Variants in TSPAN15 observed in about 807,000 individuals in gnomAD.
The protein encoded by TSPAN15 is tetraspanin 15.
Under a neutral mutation model 34.5 loss-of-function variants are expected in TSPAN15, and 20 were observed. The ratio of observed to expected loss-of-function variants is 0.58; its 90% CI spans 0.41 to 0.84. The LOEUF (loss-of-function observed/expected upper bound fraction) is 0.84, where lower values mean the gene tolerates loss of function less well. TSPAN15 is among the 40% of genes least tolerant of loss of function. TSPAN15 has a pLI of 0.00. For synonymous variants in TSPAN15, 155 were observed against 153.9 expected (o/e 1.01, Z -0.05); for missense variants, 313 against 386.1 (o/e 0.81, Z 1.59).
At chr10:69,485,361 C>A in intron 3 of TSPAN15, 146 bp downstream of exon 3, 1 of 747,904 alleles carries the variant, frequency 1.3e-6, no homozygotes. Flanking sequence ...AGGCACTGAA[C>A]AAGTAAAGCA....
the TSPAN15 span, among the ~76,000 whole-genome samples, chr10:69,525,353 T>A: frequency 8.8e-5 from 13 of 147,566 alleles, 2 homozygotes; most frequent in African/African-American, 2.7e-4. Flanking sequence ...GATTTTTTTT[T>A]ATTTAGAATA....
chr10:69,525,947 G>C, the TSPAN15 span, among the ~76,000 whole-genome samples: 80,822 of 146,042 alleles, frequency 0.55, 25,611 homozygotes, highest in African/African-American at 0.65. Flanking sequence ...AAATAGACAA[G>C]ACACTATAGG....
chr10:69,459,125 A>AAAAAAAC (rs1564597485), intron 1 of TSPAN15, among the ~76,000 whole-genome samples: 1 of 63,192 alleles, frequency 1.6e-5, no homozygotes, highest in Non-Finnish European at 3.9e-5. Context: ...AAAAAAAAAA[A>AAAAAAAC]CAACAACAAA....
chr10:69,462,374 G>A (rs537018360), intron 1 of TSPAN15, among the ~76,000 whole-genome samples: 12 of 151,208 alleles, frequency 7.9e-5, no homozygotes, highest in Admixed American at 4.0e-4. Flanking sequence ...TTGCTCTGTC[G>A]CCCAGGCTGG....
At chr10:69,495,405 G>A (rs1241876672) in intron 3 of TSPAN15, 189 bp from the exon 4 acceptor site, 1 of 583,846 alleles carries the variant, frequency 1.7e-6, no homozygotes, top group South Asian at 2.0e-5. Context: ...AACACTGGAG[G>A]CACGGGGAGG....
At chr10:69,454,615 G>A (rs989394331) in intron 1 of TSPAN15, among the ~76,000 whole-genome samples, 3 of 152,026 alleles carry the variant, frequency 2.0e-5, no homozygotes, top group Non-Finnish European at 2.9e-5. Flanking sequence ...CTGGGAGTTC[G>A]AGACCAGCCT....
chr10:69,471,941 A>G (rs1214726294), intron 1 of TSPAN15, among the ~76,000 whole-genome samples: 1 of 152,208 alleles, frequency 6.6e-6, no homozygotes, highest in Non-Finnish European at 1.5e-5. Flanking sequence ...AATAAGTCTC[A>G]GTTTTAATTT....
chr10:69,504,431 A>G lies in TSPAN15; in HGVS notation c.571-7A>G. 2 of 1,613,422 alleles carry G rather than the reference A, an allele frequency of 1.2e-6. No individual in the cohort carries two copies. The highest frequency in any genetic ancestry group is 1.7e-6 in the Non-Finnish European group (2 of 1,179,352). ...TAAATATTAGCTATTATACATTTCCATTTCAGACAGAAGTTGTCAACACCA... is the reference window on the plus strand; with the variant it reads ...TAAATATTAGCTATTATACATTTCCGTTTCAGACAGAAGTTGTCAACACCA... On this transcript the variant is annotated splice_polypyrimidine_tract_variant and splice_region_variant and intron_variant, in intron 5 of 7. Coordinates refer to ENST00000373290, the MANE Select transcript of TSPAN15 (RefSeq NM_012339.5).
intron 1 of TSPAN15, among the ~76,000 whole-genome samples, chr10:69,455,193 G>A (rs941386187): frequency 1.3e-5 from 2 of 148,516 alleles, no homozygotes; most frequent in Non-Finnish European, 3.0e-5. Flanking sequence ...TTAGTGACAA[G>A]CCTCCCCTCC....
At chr10:69,456,044 A>C (rs1223239236) in intron 1 of TSPAN15, among the ~76,000 whole-genome samples, 1 of 151,942 alleles carries the variant, frequency 6.6e-6, no homozygotes, top group Non-Finnish European at 1.5e-5. Flanking sequence ...TAGAGGTGAC[A>C]CCAATTGTAA....
the TSPAN15 span, among the ~76,000 whole-genome samples, chr10:69,544,646 G>A: frequency 4.6e-5 from 7 of 152,134 alleles, no homozygotes; most frequent in Non-Finnish European, 8.8e-5. Flanking sequence ...TTCCTCTTCC[G>A]GAAAAGAGAG....
chr10:69,483,662 C>T, intron 1 of TSPAN15, 29 bp from the exon 2 acceptor site: 1 of 1,603,586 alleles, frequency 6.2e-7, no homozygotes, highest in Non-Finnish European at 8.5e-7. Context: ...ACCTCAGTCT[C>T]TCTCTCACCC....
At chr10:69,522,659 A>T in the TSPAN15 span, among the ~76,000 whole-genome samples, 1 of 147,020 alleles carries the variant, frequency 6.8e-6, no homozygotes, top group Non-Finnish European at 1.5e-5. Context: ...TTCTTATAGG[A>T]ATGCAAACCC....
At position 69,451,486 on chromosome 10, in the gene TSPAN15, G is replaced by A; in HGVS notation, c.-109G>A. ...CAGTGTCAGTCCCGGAGAGAACGCCGGTGGCGGGGCTGGTAGCCCGGCAGC... is the reference window on the plus strand; with the variant it reads ...CAGTGTCAGTCCCGGAGAGAACGCCAGTGGCGGGGCTGGTAGCCCGGCAGC... On this transcript the variant is annotated 5_prime_UTR_variant, in exon 1 of 8. Transcript: ENST00000373290. 2.3e-6 allele frequency: 3 copies of A among 1,282,952 alleles called. No individual in the cohort carries two copies. The highest frequency in any genetic ancestry group is 1.5e-5 in the African/African-American group (1 of 64,676). 79.5% of individuals were successfully genotyped at this position (1,282,952 alleles called of 1,614,324 possible).
intron 1 of TSPAN15, among the ~76,000 whole-genome samples, chr10:69,473,698 G>A (rs1286864382): frequency 1.3e-5 from 2 of 152,130 alleles, no homozygotes; most frequent in Non-Finnish European, 2.9e-5. Flanking sequence ...AGCTGGGATT[G>A]GAGCCTAGGG....
the TSPAN15 span, among the ~76,000 whole-genome samples, chr10:69,544,360 G>C: frequency 6.6e-6 from 1 of 152,216 alleles, no homozygotes; most frequent in Non-Finnish European, 1.5e-5. Flanking sequence ...GAACCTCAGG[G>C]AGCTGAAAGC....
the TSPAN15 span, among the ~76,000 whole-genome samples, chr10:69,546,003 A>AC: frequency 7.1e-4 from 108 of 151,990 alleles, no homozygotes; most frequent in African/African-American, 2.6e-3. Flanking sequence ...AAACAAACAA[A>AC]AAAACCAAAC....
intron 2 of TSPAN15, 152 bp from the exon 3 acceptor site, chr10:69,484,989 A>C (rs1034997724): frequency 2.1e-5 from 15 of 716,848 alleles, no homozygotes; most frequent in Non-Finnish European, 3.4e-5. Context: ...CCACGTTCTC[A>C]CAGGAGGAGG....
the TSPAN15 span, among the ~76,000 whole-genome samples, chr10:69,547,774 C>T: frequency 2.0e-5 from 3 of 152,252 alleles, no homozygotes; most frequent in South Asian, 6.2e-4. Flanking sequence ...CCTGTCACTC[C>T]CTCTGTCTGC....
Sources: allele counts gnomAD v4.1 joint callset (sites outside exome capture counted in the v4.1 genomes callset), GRCh38; gene constraint gnomAD v4.1.1; transcripts MANE v1.5; gene names NCBI Gene and HGNC (gene_info 2026-07-23, HGNC 2026-07-21).